Variants in NOTCH2 observed in about 807,000 individuals in gnomAD.
NOTCH2 encodes neurogenic locus notch homolog protein 2.
Under a neutral mutation model 235.8 loss-of-function variants are expected in NOTCH2, and 29 were observed. The ratio of observed to expected loss-of-function variants is 0.12; its 90% CI spans 0.09 to 0.17. NOTCH2 has a LOEUF of 0.17. Ranked by LOEUF, NOTCH2 falls within the 10% of genes least tolerant of loss-of-function variation. The pLI, the probability that NOTCH2 is intolerant of heterozygous loss-of-function variation, is 1.00. For missense variants in NOTCH2, 2,285 were observed against 3,150.2 expected, an observed-to-expected ratio of 0.73 and a Z score of 6.57; for synonymous variants, 1,086 against 1,141.5, an observed-to-expected ratio of 0.95 and a Z score of 0.98.
At chr1:120,014,514 CAG>C (rs1482361797) in intron 2 of NOTCH2, among the ~76,000 whole-genome samples, 3 of 142,230 alleles carry the variant, frequency 2.1e-5, no homozygotes, top group Non-Finnish European at 4.6e-5. Flanking sequence ...AGGAAGAAAA[CAG>C]AGAAAAACAA....
Position 119,966,903 on chromosome 1 carries a change from G to A in NOTCH2, c.1454-414C>T, listed in dbSNP as rs60540199. On this transcript the variant is annotated intron_variant, in intron 8 of 33. Coordinates refer to ENST00000256646, the MANE Select transcript of NOTCH2 (RefSeq NM_024408.4). ...CAGCAGTGCCTTTCAAGGCTGGAGT[G>A]GCCGGCAGCCTTAATCAGGCAGAGC... is the stretch of plus-strand genomic sequence containing the variant. 2.0e-3 allele frequency among the ~76,000 whole-genome samples: 311 copies of A among 152,284 alleles called. 3 individuals are homozygous for A. The highest frequency in any genetic ancestry group is 7.0e-3 in the African/African-American group (292 of 41,566).
Position 119,925,290 on chromosome 1 carries a change from A to C in NOTCH2, c.4511+15T>G, listed in dbSNP as rs1358924357. 6.2e-7 allele frequency: 1 copy of C among 1,613,048 alleles called. No individual in the cohort carries two copies. Among genetic ancestry groups the C allele is most frequent in the East Asian group, 2.2e-5 (1 of 44,874 alleles). On this transcript the variant is annotated intron_variant, in intron 25 of 33. Transcript: ENST00000256646. Reference sequence around the variant, plus strand: ...TGACAGTCCCCTTCAGTTCTGGAAAACGTGAAGCCCTTACTTGCATGTCTT... The same window carrying C: ...TGACAGTCCCCTTCAGTTCTGGAAACCGTGAAGCCCTTACTTGCATGTCTT...
chr1:119,955,463 G>A (rs4659250), intron 12 of NOTCH2, among the ~76,000 whole-genome samples: 1 of 152,142 alleles, frequency 6.6e-6, no homozygotes. Context: ...GGCTGGAAAA[G>A]TGTTATAGCA....
rs1655678489 is a variant in NOTCH2 at position 120,069,469 on chromosome 1, G to A, written c.-63C>T. ...GCCTGGGCAGATCCACATGGGGAGGGGGTCCCGATAGAGGAGCCCCACTCT... is the reference window on the plus strand; with the variant it reads ...GCCTGGGCAGATCCACATGGGGAGGAGGTCCCGATAGAGGAGCCCCACTCT... On this transcript the variant is annotated 5_prime_UTR_variant, in exon 1 of 34. Transcript: ENST00000256646. 2 of 1,507,588 alleles carry A rather than the reference G, an allele frequency of 1.3e-6. No homozygotes were observed. Among genetic ancestry groups the A allele is most frequent in the Non-Finnish European group, 1.8e-6 (2 of 1,137,546 alleles). 93.4% of individuals were successfully genotyped at this position (1,507,588 alleles called of 1,614,324 possible). A position where few individuals can be genotyped will look rare whatever the true frequency, so the allele number is the denominator to read the frequency against.
Position 119,916,310 on chromosome 1 carries a change from T to C in NOTCH2, c.6412A>G (p.Lys2138Glu), listed in dbSNP as rs1051003915. The change falls in exon 34 of 34, where the codon AAG becomes GAG. Residue 2138 changes from lysine to glutamate, a missense_variant. Transcript: ENST00000256646. ...ACTGAACTCTCAGACAGTTGGACCT[T>C]CTCACTCAGAGACTTCTTCCTCCTA... ...GSRRKKSLSE[K>E]VQLSESSVTL... The C allele has an allele frequency of 6.2e-7, 1 of 1,614,166 alleles. No individual in the cohort carries two copies.
intron 1 of NOTCH2, among the ~76,000 whole-genome samples, chr1:120,050,088 TAAATC>T: frequency 8.0e-6 from 1 of 124,982 alleles, no homozygotes; most frequent in Non-Finnish European, 1.7e-5. Flanking sequence ...AATGTGTTGA[TAAATC>T]AAACAACACA....
intron 3 of NOTCH2, among the ~76,000 whole-genome samples, chr1:120,003,487 T>G (rs1422839483): frequency 1.3e-5 from 2 of 152,000 alleles, no homozygotes; most frequent in Non-Finnish European, 2.9e-5. Context: ...GAAAAATTAA[T>G]ATAACAGTAT....
chr1:119,948,014 A>C (rs782376824), intron 17 of NOTCH2, among the ~76,000 whole-genome samples: 1 of 152,226 alleles, frequency 6.6e-6, no homozygotes, highest in East Asian at 1.9e-4. Context: ...AATGGGATGA[A>C]GATAGTTTTA....
rs943671349 is a variant in NOTCH2, at chr1:119,931,201, T to A, written c.3656-1989A>T. On this transcript the variant is annotated intron_variant, in intron 22 of 33. Transcript: ENST00000256646. Reference sequence around the variant, plus strand: ...CTAACAAAAGCAAGATTTTTTTTTTTAAATGTAAAGTAAGGCCCAATTTTC... The same window carrying A: ...CTAACAAAAGCAAGATTTTTTTTTTAAAATGTAAAGTAAGGCCCAATTTTC... Among the ~76,000 whole-genome samples, 10 of 152,066 alleles carry A rather than the reference T, an allele frequency of 6.6e-5. No individual in the cohort carries two copies. The South Asian group carries it at 2.1e-3, about 32-fold the overall frequency.
intron 14 of NOTCH2, among the ~76,000 whole-genome samples, chr1:119,951,824 T>C (rs367791878): frequency 6.6e-6 from 1 of 152,352 alleles, no homozygotes. Context: ...TCAAGGAGTA[T>C]TCTGCTGCCC....
At chr1:119,933,177 C>G (rs1649728081) in intron 22 of NOTCH2, among the ~76,000 whole-genome samples, 1 of 152,176 alleles carries the variant, frequency 6.6e-6, no homozygotes, top group African/African-American at 2.4e-5. Context: ...AGAGAGAACT[C>G]AACCTCAGCC....
intron 1 of NOTCH2, among the ~76,000 whole-genome samples, chr1:120,039,330 A>C (rs1480107883): frequency 1.3e-5 from 2 of 151,692 alleles, no homozygotes; most frequent in East Asian, 1.9e-4. Flanking sequence ...CTGTTCCACT[A>C]TCTGTATTTG....
intron 25 of NOTCH2, among the ~76,000 whole-genome samples, chr1:119,924,928 G>A (rs1333145467): frequency 6.6e-6 from 1 of 152,186 alleles, no homozygotes; most frequent in Non-Finnish European, 1.5e-5. Flanking sequence ...ATCTAGATGG[G>A]GAAAAACAGT....
rs1649292433 is a variant in NOTCH2, at chr1:119,921,812, A to C, written c.5214-3T>G. On this transcript the variant is annotated splice_polypyrimidine_tract_variant and splice_region_variant and intron_variant, in intron 28 of 33. Coordinates refer to ENST00000256646, the MANE Select transcript of NOTCH2 (RefSeq NM_024408.4). ...CTGAGACTTGCACTGAGAGATTTCT[A>C]ATATGATTATAAAAAGAAAAAATAA... The C allele has an allele frequency of 1.2e-6, 2 of 1,609,154 alleles. No individual in the cohort carries two copies. Among genetic ancestry groups the C allele is most frequent in the African/African-American group, 2.7e-5 (2 of 74,830 alleles).
chr1:120,048,080 C>A (rs1183677), intron 1 of NOTCH2, among the ~76,000 whole-genome samples: 1,076 of 151,278 alleles, frequency 7.1e-3, no homozygotes, highest in African/African-American at 0.024. Flanking sequence ...AAATTACTTA[C>A]CTTTCTAAGG....
chr1:119,982,854 C>A (rs188575795), intron 5 of NOTCH2, among the ~76,000 whole-genome samples: 2 of 152,226 alleles, frequency 1.3e-5, no homozygotes, highest in Non-Finnish European at 2.9e-5. Context: ...GGTAAAAACG[C>A]CTGTAGTGGG....
In NOTCH2 at chr1:119,914,652, C is replaced by T. The variant is rs998452592; in HGVS notation, c.*654G>A. 1 of 239,472 alleles carries T rather than the reference C, an allele frequency of 4.2e-6. No homozygotes were observed. The highest frequency in any genetic ancestry group is 8.2e-6 in the Non-Finnish European group (1 of 121,468). The allele number at this position is 239,472 out of a possible 1,614,324, so 14.8% of individuals were successfully genotyped here. On this transcript the variant is annotated 3_prime_UTR_variant, in exon 34 of 34. Coordinates refer to ENST00000256646, the MANE Select transcript of NOTCH2 (RefSeq NM_024408.4). ...GTCCATTTTCCAAAGAAACAACATA[C>T]TTGAAAGGTTTGTGCTGAGAACCAT...
intron 10 of NOTCH2, 28 bp from the exon 11 acceptor site, chr1:119,963,835 T>C (rs2101137696): frequency 6.3e-7 from 1 of 1,587,122 alleles, no homozygotes; most frequent in East Asian, 2.2e-5. Context: ...TCAAGGATTC[T>C]CAAAGACCAA....
intron 9 of NOTCH2, 69 bp downstream of exon 9, chr1:119,966,307 T>C: frequency 9.9e-7 from 1 of 1,013,750 alleles, no homozygotes; most frequent in Non-Finnish European, 1.6e-6. Context: ...ATTCTCTCCC[T>C]GCTCTCTTCC....
Sources: gnomAD v4.1 joint callset for allele counts (sites outside exome capture counted in the v4.1 genomes callset) on GRCh38, gnomAD v4.1.1 for gene constraint, MANE v1.5 for transcripts, NCBI Gene and HGNC (gene_info 2026-07-23, HGNC 2026-07-21) for gene names.